Variants in AIG1 observed in about 807,000 individuals in gnomAD.
The protein encoded by AIG1 is androgen induced 1, also known as androgen-induced gene 1 protein.
A neutral mutation model predicts 31.4 loss-of-function variants in AIG1; 23 were observed. That is an observed-to-expected ratio of 0.73 (90% CI 0.53 to 1.04). AIG1 has a LOEUF of 1.04. AIG1 is among the 50% of genes least tolerant of loss of function. The pLI is 0.00. For missense variants in AIG1, 274 were observed against 295.0 expected (o/e 0.93, Z 0.52); for synonymous variants, 100 against 110.5 (o/e 0.90, Z 0.60).
intron 3 of AIG1, among the ~76,000 whole-genome samples, chr6:143,278,842 A>C (rs1797145098): frequency 6.6e-6 from 1 of 152,156 alleles, no homozygotes; most frequent in Non-Finnish European, 1.5e-5. Flanking sequence ...GGAGGCCTCA[A>C]AATAATCTAA....
Position 143,333,885 on chromosome 6 carries a change from G to T in AIG1, c.679+440G>T, listed in dbSNP as rs1777279176. Among the ~76,000 whole-genome samples the T allele has an allele frequency of 6.6e-6, 1 of 152,134 alleles. No individual in the cohort carries two copies. Among genetic ancestry groups the T allele is most frequent in the Admixed American group, 6.5e-5 (1 of 15,276 alleles). ...TCTATGTGGGTGCAGTCACCTGGGAGAGGTCTTACTACCATTCTGCTAGAG... is the reference window on the plus strand; with the variant it reads ...TCTATGTGGGTGCAGTCACCTGGGATAGGTCTTACTACCATTCTGCTAGAG... On this transcript the variant is annotated intron_variant, in intron 5 of 5. Coordinates refer to ENST00000357847, the MANE Select transcript of AIG1 (RefSeq NM_016108.4). The surrounding 1 kb of genome is among the most constrained non-coding windows in gnomAD (Gnocchi z 4.6).
At chr6:143,144,303 T>C (rs563282381) in intron 2 of AIG1, among the ~76,000 whole-genome samples, 1 of 152,324 alleles carries the variant, frequency 6.6e-6, no homozygotes, top group East Asian at 1.9e-4. Flanking sequence ...GCCTACTGTG[T>C]AGCAAGTACT....
chr6:143,091,858 CTTTG>C (rs897872553), intron 1 of AIG1, among the ~76,000 whole-genome samples: 12 of 152,114 alleles, frequency 7.9e-5, no homozygotes, highest in African/African-American at 1.9e-4. Context: ...TATTGCTTCT[CTTTG>C]TTTAATTTTG....
At chr6:143,146,803 C>T (rs1430060872) in intron 2 of AIG1, among the ~76,000 whole-genome samples, 1 of 152,308 alleles carries the variant, frequency 6.6e-6, no homozygotes, top group South Asian at 2.1e-4. Flanking sequence ...CTAACTTAAT[C>T]GTGCCCATGT....
chr6:143,340,652 C>T lies in AIG1; in HGVS notation c.*976C>T, dbSNP rs907330609. Among the ~76,000 whole-genome samples, 3 of 151,870 alleles carry T rather than the reference C, an allele frequency of 2.0e-5. No homozygotes were observed. Among genetic ancestry groups the T allele is most frequent in the East Asian group, 3.9e-4 (2 of 5,170 alleles). ...TTATTTTTTGTATTTTTAGTAGAGA[C>T]GGGGTTTCACCTTGTTAGCCAGGAT... On this transcript the variant is annotated 3_prime_UTR_variant, in exon 6 of 6. Transcript: ENST00000357847.
Position 143,155,393 on chromosome 6 carries a change from G to A in AIG1, c.298-9689G>A, listed in dbSNP as rs534139949. 1.8e-4 allele frequency among the ~76,000 whole-genome samples: 27 copies of A among 152,222 alleles called. No individual in the cohort carries two copies. In the South Asian group the frequency reaches 4.6e-3, roughly 26 times the overall value. Reference sequence around the variant, plus strand: ...AGCTCAGGAGAGGCTTCTTCTTGTGGGGGGGATATCTAAGCTCCCATTTCT... The same window carrying A: ...AGCTCAGGAGAGGCTTCTTCTTGTGAGGGGGATATCTAAGCTCCCATTTCT... On this transcript the variant is annotated intron_variant, in intron 2 of 5. Transcript: ENST00000357847.
At chr6:143,060,761 G>A, upstream of AIG1, 1 of 187,952 alleles carries the variant, frequency 5.3e-6, no homozygotes. Context: ...TCGCGGCCGC[G>A]CCAGTCCCCG....
intron 3 of AIG1, among the ~76,000 whole-genome samples, chr6:143,240,062 AAG>A (rs1165829918): frequency 2.0e-5 from 3 of 152,242 alleles, no homozygotes; most frequent in Admixed American, 6.5e-5. Context: ...CCAATTATGA[AAG>A]AGAGTATGAC....
chr6:143,246,847 A>G (rs925557417), intron 3 of AIG1, among the ~76,000 whole-genome samples: 7 of 152,232 alleles, frequency 4.6e-5, no homozygotes, highest in African/African-American at 1.7e-4. Context: ...TTGCTAGTTC[A>G]GGGGTTCCCA....
intron 3 of AIG1, among the ~76,000 whole-genome samples, chr6:143,227,147 A>T (rs1377410343): frequency 6.6e-6 from 1 of 152,176 alleles, no homozygotes; most frequent in Non-Finnish European, 1.5e-5. Flanking sequence ...AACTTCTATC[A>T]TCAAATTAAG....
At chr6:143,193,182 T>C (rs989249503) in intron 3 of AIG1, among the ~76,000 whole-genome samples, 1 of 152,234 alleles carries the variant, frequency 6.6e-6, no homozygotes, top group Non-Finnish European at 1.5e-5. Flanking sequence ...CAATAATCTC[T>C]TTCTAAAATT....
chr6:143,305,618 A>G (rs1318546335), intron 4 of AIG1, among the ~76,000 whole-genome samples: 2 of 152,028 alleles, frequency 1.3e-5, no homozygotes, highest in African/African-American at 4.8e-5. Context: ...GTTCTTTTAC[A>G]TTTGCTGAGG....
chr6:143,337,502 G>A (rs993045578), intron 5 of AIG1, among the ~76,000 whole-genome samples: 4 of 152,050 alleles, frequency 2.6e-5, no homozygotes, highest in East Asian at 1.9e-4. Flanking sequence ...CGCGGGGGGG[G>A]ACACAATTCA....
intron 4 of AIG1, among the ~76,000 whole-genome samples, chr6:143,317,112 C>T (rs1330954470): frequency 6.6e-6 from 1 of 151,974 alleles, no homozygotes; most frequent in South Asian, 2.1e-4. Context: ...CCTATTGACA[C>T]TATTCAAAAA....
At chr6:143,342,171 C>T (rs1463467629), downstream of AIG1, 2 of 586,120 alleles carry the variant, frequency 3.4e-6, no homozygotes, top group East Asian at 3.2e-5. Flanking sequence ...TGATCACCCG[C>T]CTTGGCCTCT....
chr6:143,094,826 G>A (rs1018617953), intron 1 of AIG1, among the ~76,000 whole-genome samples: 2 of 151,686 alleles, frequency 1.3e-5, no homozygotes, highest in South Asian at 2.1e-4. Context: ...CTGAAAACTC[G>A]AAAGAACACC....
chr6:143,136,627 TGA>T (rs1783780540), intron 1 of AIG1, among the ~76,000 whole-genome samples: 1 of 152,306 alleles, frequency 6.6e-6, no homozygotes, highest in South Asian at 2.1e-4. Flanking sequence ...CCGAGGTGAG[TGA>T]AAATGGAAGT....
chr6:143,103,666 C>T (rs976154981), intron 1 of AIG1, among the ~76,000 whole-genome samples: 1 of 151,486 alleles, frequency 6.6e-6, no homozygotes, highest in African/African-American at 2.4e-5. Flanking sequence ...CGCCACTACG[C>T]CCGGCTAATT....
chr6:143,107,280 C>T (rs1780886865), intron 1 of AIG1, among the ~76,000 whole-genome samples: 2 of 152,108 alleles, frequency 1.3e-5, no homozygotes, highest in African/African-American at 4.8e-5. Flanking sequence ...ACTTAATTTT[C>T]ACACAAATGA....
Sources: allele counts gnomAD v4.1 joint callset (sites outside exome capture counted in the v4.1 genomes callset), GRCh38; gene constraint gnomAD v4.1.1; non-coding constraint Gnocchi (gnomAD v3.1); transcripts MANE v1.5; gene names NCBI Gene and HGNC (gene_info 2026-07-23, HGNC 2026-07-21).